Variants in GABRB2 observed in about 807,000 individuals in gnomAD.
GABRB2 encodes the protein gamma-aminobutyric acid receptor subunit beta-2.
A neutral mutation model predicts 54.7 loss-of-function variants in GABRB2; 16 were observed. The observed-to-expected ratio is 0.29, with a 90% confidence interval of 0.20 to 0.44. GABRB2 has a LOEUF of 0.44. GABRB2 is among the 20% of genes least tolerant of loss of function. The probability of loss-of-function intolerance (pLI) is 1.00; values close to 1 mark genes in which losing one functional copy is unlikely to be tolerated. For missense variants in GABRB2, 355 were observed against 644.0 expected, an observed-to-expected ratio of 0.55 and a Z score of 4.86; for synonymous variants, 244 against 233.8, an observed-to-expected ratio of 1.04 and a Z score of -0.40.
At chr5:161,447,863 G>A (rs1757681672) in intron 4 of GABRB2, among the ~76,000 whole-genome samples, 1 of 152,036 alleles carries the variant, frequency 6.6e-6, no homozygotes, top group South Asian at 2.1e-4. Context: ...TGAAACTCCT[G>A]TTACTTATTA....
chr5:161,476,198 C>CA, intron 3 of GABRB2, among the ~76,000 whole-genome samples: 1 of 151,904 alleles, frequency 6.6e-6, no homozygotes, highest in Middle Eastern at 3.4e-3. Context: ...ACAATAGTAT[C>CA]AAAGAGAGTA....
At chr5:161,429,036 C>A (rs1757092014) in intron 4 of GABRB2, among the ~76,000 whole-genome samples, 1 of 150,768 alleles carries the variant, frequency 6.6e-6, no homozygotes, top group Non-Finnish European at 1.5e-5. Flanking sequence ...CGGTAAGTAC[C>A]AATAATGTAT....
At chr5:161,527,601 A>C (rs1210582856) in intron 3 of GABRB2, among the ~76,000 whole-genome samples, 1 of 151,628 alleles carries the variant, frequency 6.6e-6, no homozygotes, top group Non-Finnish European at 1.5e-5. Flanking sequence ...GCCTTAATAC[A>C]TAAAAAGTTA....
rs949951128 is a variant in GABRB2, at chr5:161,459,975, C to T, written c.238-131G>A. On this transcript the variant is annotated intron_variant, in intron 3 of 9. Transcript: ENST00000393959. ...TTTTTATTTTTTTGAGACAGGGTCT[C>T]ACTCTGTCACCCAGGCTGGAGTGCA... The T allele has an allele frequency of 7.0e-6, 4 of 575,114 alleles. No individual in the cohort carries two copies. The East Asian group carries it at 1.2e-4, about 17-fold the overall frequency. 35.6% of individuals were successfully genotyped at this position (575,114 alleles called of 1,614,324 possible).
Position 161,294,212 on chromosome 5 carries a change from G to C in GABRB2, c.1408C>G (p.Arg470Gly). The stretch of plus-strand genomic sequence containing the variant: ...ATGGTGATTTTCAGTTGGGAGGCGC[G>C]TCTCCTCAGGCGACTTTTCTTTTGC... ...VAQKKSRLRR[R>G]ASQLKITIPD... Residue 470 changes from arginine (R) to glycine (G), a missense_variant, in exon 10 of 10, where the codon CGC becomes GGC. Around this residue, in one of 6 missense-constraint regions of GABRB2, gnomAD observed 201 missense variants for 228.1 expected, o/e 0.88. Coordinates refer to ENST00000393959, the MANE Select transcript of GABRB2 (RefSeq NM_001371727.1). 6.2e-7 allele frequency: 1 copy of C among 1,614,114 alleles called. No individual in the cohort carries two copies. The highest frequency in any genetic ancestry group is 2.2e-5 in the East Asian group (1 of 44,872).
chr5:161,373,271 T>C (rs1169446448), intron 5 of GABRB2, among the ~76,000 whole-genome samples: 1 of 152,218 alleles, frequency 6.6e-6, no homozygotes, highest in African/African-American at 2.4e-5. Context: ...CTGGTCTTAC[T>C]GTCCCCACAC....
chr5:161,480,011 T>A (rs1029292565), intron 3 of GABRB2, among the ~76,000 whole-genome samples: 1 of 152,128 alleles, frequency 6.6e-6, no homozygotes, highest in Non-Finnish European at 1.5e-5. Context: ...GACTTCATAA[T>A]CCCTGTATTC....
intron 3 of GABRB2, among the ~76,000 whole-genome samples, chr5:161,495,156 C>T (rs935824601): frequency 6.6e-6 from 1 of 151,892 alleles, no homozygotes; most frequent in Admixed American, 6.6e-5. Context: ...AAAGTTTATT[C>T]ACAAGTATTA....
intron 3 of GABRB2, among the ~76,000 whole-genome samples, chr5:161,521,357 C>A (rs1760110286): frequency 6.6e-6 from 1 of 151,846 alleles, no homozygotes; most frequent in Non-Finnish European, 1.5e-5. Flanking sequence ...GAATGTGAGT[C>A]TGTAGAATCA....
rs1206657811 is a variant in GABRB2, at chr5:161,318,481, G to T, written c.1191+7887C>A. 4.6e-5 allele frequency among the ~76,000 whole-genome samples: 7 copies of T among 151,944 alleles called. No homozygotes were observed. The South Asian group carries it at 1.4e-3, about 31-fold the overall frequency. On this transcript the variant is annotated intron_variant, in intron 9 of 9. Coordinates refer to ENST00000393959, the MANE Select transcript of GABRB2 (RefSeq NM_001371727.1). The stretch of plus-strand genomic sequence containing the variant: ...CTCACTGTTTATTGAATAATTCACA[G>T]ATTTCCAATGATATGAAATTATACT...
intron 9 of GABRB2, among the ~76,000 whole-genome samples, chr5:161,304,405 A>G (rs1402512797): frequency 6.6e-6 from 1 of 152,222 alleles, no homozygotes; most frequent in Non-Finnish European, 1.5e-5. Flanking sequence ...TTTGCCTGGC[A>G]AAAATCCCAT....
intron 4 of GABRB2, among the ~76,000 whole-genome samples, chr5:161,413,877 G>C (rs946433430): frequency 6.6e-6 from 1 of 152,132 alleles, no homozygotes; most frequent in African/African-American, 2.4e-5. Flanking sequence ...TGCTACTAGA[G>C]ATTGTGGCTC....
chr5:161,319,866 G>A (rs1247564707), intron 9 of GABRB2, among the ~76,000 whole-genome samples: 1 of 151,282 alleles, frequency 6.6e-6, no homozygotes, highest in Non-Finnish European at 1.5e-5. Flanking sequence ...TTAATTGGTC[G>A]TTTTTCTTTT....
intron 6 of GABRB2, among the ~76,000 whole-genome samples, chr5:161,335,731 T>A (rs911190567): frequency 1.3e-5 from 2 of 152,128 alleles, no homozygotes; most frequent in African/African-American, 2.4e-5. Flanking sequence ...GGAACTCATT[T>A]CCATAGATTT....
intron 3 of GABRB2, among the ~76,000 whole-genome samples, chr5:161,478,202 G>T (rs1378550688): frequency 6.6e-6 from 1 of 151,946 alleles, no homozygotes; most frequent in Non-Finnish European, 1.5e-5. Context: ...AAGTGATCAG[G>T]AAAAAATTAA....
At chr5:161,335,835 G>C (rs1281353523) in intron 6 of GABRB2, among the ~76,000 whole-genome samples, 1 of 152,116 alleles carries the variant, frequency 6.6e-6, no homozygotes, top group Non-Finnish European at 1.5e-5. Flanking sequence ...AAGTCACAGA[G>C]CTTTTGCCTG....
intron 5 of GABRB2, among the ~76,000 whole-genome samples, chr5:161,357,977 T>C (rs1754689854): frequency 6.6e-6 from 1 of 152,172 alleles, no homozygotes; most frequent in South Asian, 2.1e-4. Flanking sequence ...GAGACAAATA[T>C]TTCAGTGCAA....
Position 161,373,054 on chromosome 5 carries a change from A to G in GABRB2, c.542-36285T>C, listed in dbSNP as rs188928167. Among the ~76,000 whole-genome samples the G allele has an allele frequency of 7.2e-3, 1,095 of 152,342 alleles. 13 individuals carry two copies. Among genetic ancestry groups the G allele is most frequent in the Middle Eastern group, 0.01 (3 of 294 alleles). ...AGTATTCCAAAGCAACACACTTGCT[A>G]TTGTATATATTGATGCTTATTTTTT... On this transcript the variant is annotated intron_variant, in intron 5 of 9. Transcript: ENST00000393959.
intron 5 of GABRB2, among the ~76,000 whole-genome samples, chr5:161,357,104 A>T (rs1309580991): frequency 1.3e-5 from 2 of 152,192 alleles, no homozygotes; most frequent in Non-Finnish European, 2.9e-5. Flanking sequence ...AAATAATATG[A>T]GTTATAGGTG....
Sources: allele counts gnomAD v4.1 joint callset (sites outside exome capture counted in the v4.1 genomes callset), GRCh38; gene constraint gnomAD v4.1.1; regional missense constraint gnomAD v4.1.1; transcripts MANE v1.5; gene names NCBI Gene and HGNC (gene_info 2026-07-23, HGNC 2026-07-21).